RNF138: variants seen among roughly 807,000 people sequenced by gnomAD.
RNF138 encodes E3 ubiquitin-protein ligase RNF138.
RNF138 carries 12 observed loss-of-function variants against 31.0 expected under a neutral mutation model. The observed-to-expected ratio is 0.39, with a 90% CI of 0.25 to 0.63. The LOEUF is 0.63. RNF138 is among the 20% of genes least tolerant of loss of function. The pLI is 0.52. For missense variants in RNF138, 192 were observed against 300.1 expected (o/e 0.64, Z 2.66); for synonymous variants, 105 against 99.5 (o/e 1.06, Z -0.33).
intron 2 of RNF138, among the ~76,000 whole-genome samples, chr18:32,108,323 T>C (rs2040070897): frequency 6.6e-6 from 1 of 152,142 alleles, no homozygotes; most frequent in Admixed American, 6.5e-5. Context: ...TGTTCCCTTC[T>C]CTAAGGGAAC....
intron 4 of RNF138, among the ~76,000 whole-genome samples, chr18:32,119,406 TTCTC>T (rs1427494950): frequency 5.9e-5 from 9 of 152,004 alleles, no homozygotes; most frequent in African/African-American, 2.2e-4. Context: ...CCTGGCCTCT[TTCTC>T]ATTTTATTTT....
chr18:32,114,876 T>TG (rs59383566), intron 4 of RNF138, among the ~76,000 whole-genome samples: 12,523 of 152,238 alleles, frequency 0.082, 654 homozygotes, highest in African/African-American at 0.14. Context: ...TTGAAATTTC[T>TG]GGTAAAAACC....
At chr18:32,118,817 G>A (rs1240017175) in intron 4 of RNF138, among the ~76,000 whole-genome samples, 2 of 151,972 alleles carry the variant, frequency 1.3e-5, no homozygotes, top group African/African-American at 4.8e-5. Flanking sequence ...GCGACAGAGC[G>A]AGACTCCGTC....
chr18:32,112,020 A>T (rs1455009446), intron 3 of RNF138, 101 bp downstream of exon 3: 2 of 1,056,538 alleles, frequency 1.9e-6, no homozygotes, highest in Non-Finnish European at 2.6e-6. Context: ...TTTTGAAAAG[A>T]TGAAAGGTAT....
At chr18:32,107,507 GTTTTTTGT>G (rs1010049731) in intron 2 of RNF138, among the ~76,000 whole-genome samples, 1 of 127,698 alleles carries the variant, frequency 7.8e-6, no homozygotes, top group African/African-American at 2.5e-5. Context: ...TCTTAATTTA[GTTTTTTGT>G]TTGTTTGTTT....
In RNF138 at chr18:32,111,737, C is replaced by T. The variant is rs1446221977; in HGVS notation, c.111-17C>T. On this transcript the variant is annotated splice_polypyrimidine_tract_variant and intron_variant, in intron 2 of 7. Coordinates refer to ENST00000261593, the MANE Select transcript of RNF138 (RefSeq NM_016271.5). ...GTAATTTTTTTTGTAATTAATGTGT[C>T]ACAATGTTTGGTTTAGTTTCTGTAG... 1.2e-6 allele frequency: 2 copies of T among 1,600,700 alleles called. No homozygotes were observed. The highest frequency in any genetic ancestry group is 1.7e-6 in the Non-Finnish European group (2 of 1,174,642).
At position 32,129,591 on chromosome 18, in the gene RNF138, C is replaced by T. The variant is rs919529872; in HGVS notation, c.*404C>T. On this transcript the variant is annotated 3_prime_UTR_variant, in exon 8 of 8. Coordinates refer to ENST00000261593, the MANE Select transcript of RNF138 (RefSeq NM_016271.5). ...GAACGATGTGATTGATATAACCTAACAAATCTGAGCCAGTTATTATTAGAG... is the reference window on the plus strand; with the variant it reads ...GAACGATGTGATTGATATAACCTAATAAATCTGAGCCAGTTATTATTAGAG... 1 of 155,506 alleles carries T rather than the reference C, an allele frequency of 6.4e-6. No homozygotes were observed. 9.6% of individuals were successfully genotyped at this position (155,506 alleles called of 1,614,324 possible).
intron 7 of RNF138, among the ~76,000 whole-genome samples, chr18:32,127,028 T>C (rs2040395457): frequency 6.6e-6 from 1 of 151,994 alleles, no homozygotes; most frequent in Admixed American, 6.6e-5. Context: ...TTAATAAGAG[T>C]AACAGCAAGC....
intron 2 of RNF138, among the ~76,000 whole-genome samples, chr18:32,101,166 T>C (rs1878858750): frequency 6.6e-6 from 1 of 151,844 alleles, no homozygotes; most frequent in South Asian, 2.1e-4. Context: ...CAGGGCTTTG[T>C]ATTTGAATGA....
intron 4 of RNF138, among the ~76,000 whole-genome samples, chr18:32,119,963 T>C (rs905819541): frequency 6.6e-6 from 1 of 152,178 alleles, no homozygotes; most frequent in Non-Finnish European, 1.5e-5. Flanking sequence ...GTTCTTATAA[T>C]CTACCTGTTG....
At chr18:32,115,939 TA>T (rs2040210001) in intron 4 of RNF138, among the ~76,000 whole-genome samples, 1 of 152,294 alleles carries the variant, frequency 6.6e-6, no homozygotes, top group East Asian at 1.9e-4. Context: ...TGACTGTGGT[TA>T]AAAATGTGGG....
At chr18:32,101,192 G>T (rs866904511) in intron 2 of RNF138, among the ~76,000 whole-genome samples, 8 of 151,712 alleles carry the variant, frequency 5.3e-5, no homozygotes, top group South Asian at 2.1e-4. Context: ...ACATCTTCTG[G>T]GCTTCAACCT....
intron 2 of RNF138, among the ~76,000 whole-genome samples, chr18:32,111,342 A>G (rs2040126300): frequency 6.6e-6 from 1 of 152,196 alleles, no homozygotes; most frequent in African/African-American, 2.4e-5. Context: ...TATGTTACTC[A>G]TCCTTTTATT....
chr18:32,122,996 T>C (rs943592363), intron 4 of RNF138, among the ~76,000 whole-genome samples: 2 of 152,256 alleles, frequency 1.3e-5, no homozygotes, highest in African/African-American at 4.8e-5. Context: ...TAAGTTGTTC[T>C]GTATATTAAA....
intron 6 of RNF138, among the ~76,000 whole-genome samples, chr18:32,125,915 A>G (rs978996383): frequency 2.0e-5 from 3 of 152,228 alleles, no homozygotes; most frequent in Non-Finnish European, 4.4e-5. Context: ...AGTGCCAAAG[A>G]TGTTCCAGGA....
intron 7 of RNF138, 23 bp downstream of exon 7, chr18:32,126,823 A>G: frequency 7.6e-7 from 1 of 1,310,990 alleles, no homozygotes; most frequent in Non-Finnish European, 1.1e-6. Flanking sequence ...TTCAAGATTA[A>G]GAAAGTACTG....
chr18:32,117,183 T>C (rs1047399282), intron 4 of RNF138, among the ~76,000 whole-genome samples: 1 of 151,988 alleles, frequency 6.6e-6, no homozygotes, highest in Non-Finnish European at 1.5e-5. Flanking sequence ...ATTACAGGCA[T>C]GAACCACCCG....
rs542758971 is a variant in RNF138, at chr18:32,097,734, G to C, written c.110+4848G>C. ...GATGAGGTTTCACTATATTGGCCAG[G>C]CTGGTCTCGAACCCCTGCGCTCAAG... On this transcript the variant is annotated intron_variant, in intron 2 of 7. Coordinates refer to ENST00000261593, the MANE Select transcript of RNF138 (RefSeq NM_016271.5). 1.2e-4 allele frequency among the ~76,000 whole-genome samples: 19 copies of C among 152,030 alleles called. No individual in the cohort carries two copies. In the South Asian group the frequency reaches 2.1e-3, roughly 17 times the overall value.
In RNF138 at chr18:32,116,129, T is replaced by A. The variant is rs118163929; in HGVS notation, c.392+2269T>A. Among the ~76,000 whole-genome samples, 74 of 152,282 alleles carry A rather than the reference T, an allele frequency of 4.9e-4. No homozygotes were observed. The East Asian group carries it at 6.2e-3, about 13-fold the overall frequency. On this transcript the variant is annotated intron_variant, in intron 4 of 7. Transcript: ENST00000261593. ...GTTAATACAGGTAAAGAAACTTGAC[T>A]AGTACTTTGCTTGGAAAATGTTAGT...
Sources: gnomAD v4.1 joint callset for allele counts (sites outside exome capture counted in the v4.1 genomes callset) on GRCh38, gnomAD v4.1.1 for gene constraint, MANE v1.5 for transcripts, NCBI Gene and HGNC (gene_info 2026-07-23, HGNC 2026-07-21) for gene names.